The following PNMA6E variants were observed in gnomAD, a reference collection of about 807,000 sequenced individuals.
PNMA6E encodes the protein paraneoplastic antigen Ma6E.
For synonymous variants in PNMA6E, 43 were observed against 17.1 expected, an observed-to-expected ratio of 2.52 and a Z score of -3.74; for missense variants, 78 against 50.8, an observed-to-expected ratio of 1.53 and a Z score of -1.63.
At chrX:153,413,470 A>T in the PNMA6E span, among the ~76,000 whole-genome samples, 1 of 108,751 alleles carries the variant, frequency 9.2e-6, no homozygotes, top group South Asian at 4.1e-4. Flanking sequence ...GGCCCCTCAC[A>T]GAGGTGGAGC....
At chrX:153,401,883 G>A (rs1453037531), upstream of PNMA6E, among the ~76,000 whole-genome samples, 5 of 96,354 alleles carry the variant, frequency 5.2e-5, no homozygotes, top group African/African-American at 1.6e-4. Context: ...AGGCTGCAGT[G>A]GCGCAATTTC....
rs2088816484 is a variant in PNMA6E, at chrX:153,397,424, T to C, written c.1426A>G (p.Lys476Glu). The C allele has an allele frequency of 6.7e-6, 2 of 297,242 alleles. No homozygotes were observed. Among genetic ancestry groups the C allele is most frequent in the South Asian group, 2.0e-4 (1 of 5,006 alleles). 24.5% of individuals were successfully genotyped at this position (297,242 alleles called of 1,213,427 possible). ...AGCCCCAGGAAGCCAGGTGGCCTCT[T>C]CTCCAGCTGCATCCCTCTCAGGGTA... ...QDTLRGMQLE[K>E]RPPGFLGLLR... is the part of the protein sequence containing the mutation. The change falls in exon 2 of 2, where the codon AAG becomes GAG. Residue 476 changes from lysine to glutamate, a missense_variant. Lys to Glu is a moderately conservative substitution (Grantham distance 56). Transcript: ENST00000445091.
chrX:153,411,163 C>T, the PNMA6E span, among the ~76,000 whole-genome samples: 1 of 111,972 alleles, frequency 8.9e-6, no homozygotes, highest in African/African-American at 3.2e-5. Flanking sequence ...GCAGAGGTCC[C>T]GGGGACCCCA....
At chrX:153,400,691 G>A (rs1415409407) in intron 1 of PNMA6E, among the ~76,000 whole-genome samples, 2 of 107,781 alleles carry the variant, frequency 1.9e-5, no homozygotes, top group African/African-American at 6.8e-5. Context: ...ACCTGACCAC[G>A]GCACCCGCCA....
At chrX:153,409,327 C>G in the PNMA6E span, among the ~76,000 whole-genome samples, 1 of 112,733 alleles carries the variant, frequency 8.9e-6, no homozygotes, top group East Asian at 2.8e-4. Context: ...GTTTGCTGCC[C>G]GGGAGGCCCT....
upstream of PNMA6E, among the ~76,000 whole-genome samples, chrX:153,402,471 T>C (rs1485050727): frequency 2.7e-5 from 3 of 111,586 alleles, no homozygotes; most frequent in Non-Finnish European, 3.8e-5. Flanking sequence ...TACAGATTAC[T>C]GCCCCCTGCA....
rs1556970425 is a variant in PNMA6E at position 153,396,781 on chromosome X, C to A, written c.*125G>T. ...AAGGAATGGGGGTGGTGGCCAGAGCCCCTTGGGGGAGGTGGGGGGCCCTTA... is the reference window on the plus strand; with the variant it reads ...AAGGAATGGGGGTGGTGGCCAGAGCACCTTGGGGGAGGTGGGGGGCCCTTA... On this transcript the variant is annotated 3_prime_UTR_variant, in exon 2 of 2. Transcript: ENST00000445091. 5.1e-5 allele frequency: 15 copies of A among 294,964 alleles called. No homozygotes were observed. The highest frequency in any genetic ancestry group is 5.3e-5 in the Non-Finnish European group (9 of 169,510). 24.3% of individuals were successfully genotyped at this position (294,964 alleles called of 1,213,427 possible). A position where few individuals can be genotyped will look rare whatever the true frequency, so the allele number is the denominator to read the frequency against.
chrX:153,400,548 G>A (rs1192729024), intron 1 of PNMA6E, among the ~76,000 whole-genome samples: 1 of 111,686 alleles, frequency 9.0e-6, no homozygotes, highest in Non-Finnish European at 1.9e-5. Context: ...CCCACAGCCA[G>A]GGGCCCGACA....
In PNMA6E at chrX:153,397,392, C is replaced by T. The variant is rs2088816146; in HGVS notation, c.1458G>A (p.Arg486=). 3.4e-6 allele frequency: 1 copy of T among 298,168 alleles called. No individual in the cohort carries two copies. The highest frequency in any genetic ancestry group is 6.0e-5 in the Admixed American group (1 of 16,617). The allele number at this position is 298,168 out of a possible 1,213,427, so 24.6% of individuals were successfully genotyped here. A position where few individuals can be genotyped will look rare whatever the true frequency, so the allele number is the denominator to read the frequency against. Residue 486 remains arginine, a synonymous_variant, in exon 2 of 2, where the codon CGG becomes CGA. Transcript: ENST00000445091. ...KRPPGFLGLL[R]LIREMEAWAA... Reference sequence around the variant, plus strand: ...CCCATGCCTCCATCTCCCGGATGAGCCGGAGCAGCCCCAGGAAGCCAGGTG... The same window carrying T: ...CCCATGCCTCCATCTCCCGGATGAGTCGGAGCAGCCCCAGGAAGCCAGGTG...
chrX:153,404,313 C>G (rs1460598382), upstream of PNMA6E, among the ~76,000 whole-genome samples: 3 of 111,149 alleles, frequency 2.7e-5, no homozygotes, highest in African/African-American at 9.8e-5. Context: ...TTGTGAATTA[C>G]TAGGGTCATC....
At chrX:153,409,030 C>T in the PNMA6E span, among the ~76,000 whole-genome samples, 5 of 113,042 alleles carry the variant, frequency 4.4e-5, no homozygotes, top group African/African-American at 1.6e-4. Flanking sequence ...GCTTGGGAGA[C>T]CGGCTGCCAA....
At chrX:153,411,632 C>A in the PNMA6E span, among the ~76,000 whole-genome samples, 1 of 112,989 alleles carries the variant, frequency 8.9e-6, no homozygotes, top group Non-Finnish European at 1.9e-5. Flanking sequence ...TAGGAGGAGG[C>A]GGCGGCCTTG....
At chrX:153,406,098 G>A (rs1341088182), upstream of PNMA6E, among the ~76,000 whole-genome samples, 1 of 112,301 alleles carries the variant, frequency 8.9e-6, no homozygotes, top group African/African-American at 3.2e-5. Context: ...TTAGAGGAAA[G>A]ATGAAGTAAG....
Position 153,398,726 on chromosome X carries a change from C to A in PNMA6E, c.124G>T (p.Ala42Ser). The part of the protein sequence containing the change: ...EHEFQEAVRA[A>S]LSPLGRYRVL... Reference sequence around the variant, plus strand: ...CGGTACCTGCCCAGGGGCGACAGGGCAGCCCGCACGGCCTCCTGGAACTCA... The same window carrying A: ...CGGTACCTGCCCAGGGGCGACAGGGAAGCCCGCACGGCCTCCTGGAACTCA... Residue 42 changes from alanine to serine, a missense_variant, in exon 2 of 2, where the codon GCC (alanine) becomes TCC (serine). Ala to Ser is a moderately conservative substitution (Grantham distance 99, BLOSUM62 1). Transcript: ENST00000445091. 2 of 306,557 alleles carry A rather than the reference C, an allele frequency of 6.5e-6. No individual in the cohort carries two copies. Among genetic ancestry groups the A allele is most frequent in the East Asian group, 9.4e-5 (2 of 21,326 alleles). The allele number at this position is 306,557 out of a possible 1,213,427, so 25.3% of individuals were successfully genotyped here.
At chrX:153,404,291 A>T (rs1393718549), upstream of PNMA6E, 1 of 110,760 alleles carries the variant, frequency 9.0e-6, no homozygotes, top group East Asian at 2.9e-4. Context: ...AAGAATATAT[A>T]TTTTTTTAAT....
At chrX:153,406,790 GAC>G in the PNMA6E span, among the ~76,000 whole-genome samples, 1 of 112,704 alleles carries the variant, frequency 8.9e-6, no homozygotes, top group Non-Finnish European at 1.9e-5. Context: ...GATGCAGTAA[GAC>G]TAGCTAAGGG....
upstream of PNMA6E, among the ~76,000 whole-genome samples, chrX:153,402,798 A>T (rs1556971627): frequency 9.0e-6 from 1 of 111,683 alleles, no homozygotes; most frequent in African/African-American, 3.3e-5. Context: ...TTTTCCCTGG[A>T]TATAGATACA....
chrX:153,396,803 C>G lies in PNMA6E; in HGVS notation c.*103G>C, dbSNP rs1556970430. 1.4e-5 allele frequency: 4 copies of G among 295,702 alleles called. No individual in the cohort carries two copies. Among genetic ancestry groups the G allele is most frequent in the African/African-American group, 1.1e-4 (4 of 36,674 alleles). The allele number at this position is 295,702 out of a possible 1,213,427, so 24.4% of individuals were successfully genotyped here. On this transcript the variant is annotated 3_prime_UTR_variant, in exon 2 of 2. Coordinates refer to ENST00000445091, the MANE Select transcript of PNMA6E (RefSeq NM_001367770.1). ...AGCCCCTTGGGGGAGGTGGGGGGCC[C>G]TTACTCCTGAATGTGGGGTGAGGGA...
upstream of PNMA6E, among the ~76,000 whole-genome samples, chrX:153,405,803 G>A (rs1317885866): frequency 1.8e-5 from 2 of 111,233 alleles, no homozygotes; most frequent in African/African-American, 6.6e-5. Context: ...TGCCCTGGAT[G>A]AAAGTTTCAC....
Sources: gnomAD v4.1 joint callset for allele counts (sites outside exome capture counted in the v4.1 genomes callset) on GRCh38, gnomAD v4.1.1 for gene constraint, MANE v1.5 for transcripts, NCBI Gene and HGNC (gene_info 2026-07-23, HGNC 2026-07-21) for gene names.